The following RANBP2 variants were observed in gnomAD, a reference collection of about 807,000 sequenced individuals.
The protein encoded by RANBP2 is RAN binding protein 2, also known as E3 SUMO-protein ligase RanBP2.
RANBP2 carries 57 observed loss-of-function variants against 303.6 expected under a neutral mutation model. The ratio of observed to expected loss-of-function variants is 0.19; its 90% CI spans 0.15 to 0.23. RANBP2 has a LOEUF of 0.23. Ranked by LOEUF, RANBP2 falls within the 10% of genes least tolerant of loss-of-function variation. The pLI is 1.00. For synonymous variants in RANBP2, 1,167 were observed against 1,301.5 expected (o/e 0.90, Z 2.23); for missense variants, 3,138 against 3,780.8 (o/e 0.83, Z 4.46).
the RANBP2 span, among the ~76,000 whole-genome samples, chr2:109,296,245 G>A: frequency 1.3e-5 from 2 of 149,222 alleles, no homozygotes; most frequent in African/African-American, 2.6e-5. Flanking sequence ...ATTATTATTC[G>A]AGATGGAGTT....
the RANBP2 span, among the ~76,000 whole-genome samples, chr2:108,843,262 A>G: frequency 6.6e-6 from 1 of 152,132 alleles, no homozygotes; most frequent in African/African-American, 2.4e-5. Flanking sequence ...GGTTCAAACC[A>G]TGCTCCTGCC....
the RANBP2 span, among the ~76,000 whole-genome samples, chr2:109,073,643 T>C: frequency 1.3e-5 from 2 of 149,010 alleles, no homozygotes; most frequent in Non-Finnish European, 3.0e-5. Context: ...CACTCAGGCC[T>C]GGGCAACAGA....
At chr2:109,566,842 A>T in the RANBP2 span, among the ~76,000 whole-genome samples, 1 of 152,180 alleles carries the variant, frequency 6.6e-6, no homozygotes, top group African/African-American at 2.4e-5. Context: ...GGATTAATAC[A>T]GGGGAAAAGT....
chr2:109,654,743 C>T, the RANBP2 span, among the ~76,000 whole-genome samples: 1 of 152,110 alleles, frequency 6.6e-6, no homozygotes, highest in South Asian at 2.1e-4. Flanking sequence ...AGGAACCAAT[C>T]AGGGCAGGGA....
At chr2:108,733,848 T>G (rs1695362469) in intron 4 of RANBP2, among the ~76,000 whole-genome samples, 1 of 107,592 alleles carries the variant, frequency 9.3e-6, no homozygotes, top group Non-Finnish European at 2.0e-5. Flanking sequence ...CTGTATCAGA[T>G]TTTTTTTTTT....
the RANBP2 span, among the ~76,000 whole-genome samples, chr2:109,241,033 A>C: frequency 1.3e-5 from 2 of 152,242 alleles, no homozygotes; most frequent in East Asian, 1.9e-4. Flanking sequence ...TCTATAGAGC[A>C]TCAGAAGAAT....
chr2:109,418,854 C>T, the RANBP2 span, among the ~76,000 whole-genome samples: 1 of 152,136 alleles, frequency 6.6e-6, no homozygotes, highest in Non-Finnish European at 1.5e-5. Flanking sequence ...GGCAGTGCTG[C>T]CCTGCATGGG....
At chr2:108,731,258 T>C (rs1695145783) in intron 3 of RANBP2, 64 bp from the exon 4 acceptor site, 1 of 1,571,318 alleles carries the variant, frequency 6.4e-7, no homozygotes, top group African/African-American at 1.4e-5. Flanking sequence ...TATATAAGTA[T>C]ATATACTCCT....
At chr2:108,727,425 A>G (rs1484221772) in intron 1 of RANBP2, among the ~76,000 whole-genome samples, 1 of 152,148 alleles carries the variant, frequency 6.6e-6, no homozygotes, top group Admixed American at 6.5e-5. Flanking sequence ...GATGGACAAG[A>G]CATTAAATTT....
intron 1 of RANBP2, among the ~76,000 whole-genome samples, chr2:108,722,697 G>C (rs1032691271): frequency 1.3e-5 from 2 of 149,060 alleles, no homozygotes; most frequent in Admixed American, 1.3e-4. Context: ...CGAGAGACCA[G>C]CCTGACCAAT....
chr2:109,303,892 T>C, the RANBP2 span, among the ~76,000 whole-genome samples: 3 of 152,112 alleles, frequency 2.0e-5, no homozygotes, highest in Admixed American at 1.3e-4. Context: ...AACATTGTTA[T>C]TATTTTTGGT....
At chr2:108,992,756 T>C in the RANBP2 span, among the ~76,000 whole-genome samples, 4 of 152,346 alleles carry the variant, frequency 2.6e-5, no homozygotes, top group African/African-American at 9.6e-5. Flanking sequence ...GTCTATAGTG[T>C]AGAGTTTGCA....
At chr2:108,825,804 G>C in the RANBP2 span, among the ~76,000 whole-genome samples, 1 of 151,880 alleles carries the variant, frequency 6.6e-6, no homozygotes, top group Non-Finnish European at 1.5e-5. Flanking sequence ...CATTTTTCTT[G>C]ACTACATACC....
the RANBP2 span, among the ~76,000 whole-genome samples, chr2:109,386,393 C>T: frequency 9.2e-5 from 14 of 151,778 alleles, no homozygotes; most frequent in Admixed American, 2.0e-4. Flanking sequence ...ACCAGGGGGC[C>T]GCTATGACTG....
At chr2:109,427,988 T>C in the RANBP2 span, among the ~76,000 whole-genome samples, 2 of 152,262 alleles carry the variant, frequency 1.3e-5, no homozygotes, top group Non-Finnish European at 2.9e-5. Context: ...TCTGAGCTCC[T>C]GAGCCTGCTT....
the RANBP2 span, among the ~76,000 whole-genome samples, chr2:108,966,853 C>G: frequency 3.7e-4 from 56 of 152,306 alleles, 1 homozygote; most frequent in Middle Eastern, 3.4e-3. Flanking sequence ...ACAAACAACT[C>G]CACTAACATG....
the RANBP2 span, among the ~76,000 whole-genome samples, chr2:109,575,378 A>G: frequency 6.6e-6 from 1 of 152,260 alleles, no homozygotes; most frequent in African/African-American, 2.4e-5. Flanking sequence ...TAAGTAAAGA[A>G]GAAAGGCATA....
At chr2:108,995,188 T>A in the RANBP2 span, among the ~76,000 whole-genome samples, 1 of 152,012 alleles carries the variant, frequency 6.6e-6, no homozygotes, top group Non-Finnish European at 1.5e-5. Flanking sequence ...AGAGACAGGG[T>A]CTTGCTCCAT....
the RANBP2 span, among the ~76,000 whole-genome samples, chr2:109,099,008 C>G: frequency 6.6e-6 from 1 of 152,196 alleles, no homozygotes; most frequent in African/African-American, 2.4e-5. Context: ...AGGGTTGCAG[C>G]CTGCAGGCTA....
Sources: allele counts gnomAD v4.1 joint callset (sites outside exome capture counted in the v4.1 genomes callset), GRCh38; gene constraint gnomAD v4.1.1; transcripts MANE v1.5; gene names NCBI Gene and HGNC (gene_info 2026-07-23, HGNC 2026-07-21).